The following MYO3B variants were observed in gnomAD, a reference collection of about 807,000 sequenced individuals.
The protein encoded by MYO3B is myosin IIIB, also known as myosin-IIIb.
In MYO3B, 156 loss-of-function variants were observed where a neutral mutation model predicts 174.6. The ratio of observed to expected loss-of-function variants is 0.89; its 90% CI spans 0.78 to 1.02. The LOEUF is 1.02. MYO3B is among the 50% of genes least tolerant of loss of function. MYO3B has a pLI of 0.00. For synonymous variants in MYO3B, 563 were observed against 569.1 expected (o/e 0.99, Z 0.15); for missense variants, 1,632 against 1,639.4 (o/e 1.00, Z 0.08).
chr2:170,627,908 G>A (rs1305956433), intron 32 of MYO3B, among the ~76,000 whole-genome samples: 2 of 152,182 alleles, frequency 1.3e-5, no homozygotes, highest in Non-Finnish European at 2.9e-5. Context: ...CGTTTTTCTG[G>A]AGGTTTCGTC....
At chr2:170,645,358 G>A (rs1698284338) in intron 32 of MYO3B, among the ~76,000 whole-genome samples, 1 of 151,158 alleles carries the variant, frequency 6.6e-6, no homozygotes, top group African/African-American at 2.4e-5. Context: ...TGTAATCCCA[G>A]CTACTCAAGA....
chr2:170,645,398 G>A (rs1048482679), intron 32 of MYO3B, among the ~76,000 whole-genome samples: 1 of 151,196 alleles, frequency 6.6e-6, no homozygotes, highest in African/African-American at 2.4e-5. Context: ...CTTGAACCCC[G>A]GTGGAGGTTG....
Position 170,472,673 on chromosome 2 carries a change from C to CTATCTATCTATT in MYO3B, c.3014+5965_3014+5966insCTATCTATTTAT, listed in dbSNP as rs367755209. On this transcript the variant is annotated intron_variant, in intron 25 of 34. Coordinates refer to ENST00000408978, the MANE Select transcript of MYO3B (RefSeq NM_138995.5). The stretch of plus-strand genomic sequence containing the variant: ...GGATATTTTTCAGCTCACTTTTTAT[C>CTATCTATCTATT]TATTTATTTATTTATTTATTTATTT... 1.8e-3 allele frequency among the ~76,000 whole-genome samples: 259 copies of CTATCTATCTATT among 142,360 alleles called. 3 individuals carry two copies. Among genetic ancestry groups the CTATCTATCTATT allele is most frequent in the Admixed American group, 0.015 (212 of 14,166 alleles). 93.4% of individuals were successfully genotyped at this position (142,360 alleles called of 152,430 possible).
intron 25 of MYO3B, among the ~76,000 whole-genome samples, chr2:170,493,562 AC>A (rs1686632318): frequency 6.6e-6 from 1 of 152,164 alleles, no homozygotes; most frequent in South Asian, 2.1e-4. Flanking sequence ...GGTGGCTTTA[AC>A]ATACGTCTAC....
At chr2:170,249,743 A>C (rs571875828) in intron 7 of MYO3B, among the ~76,000 whole-genome samples, 1 of 152,326 alleles carries the variant, frequency 6.6e-6, no homozygotes, top group South Asian at 2.1e-4. Context: ...AGGAAGCTCC[A>C]CTTGTGGGTT....
At chr2:170,333,968 A>C (rs1278169756) in intron 7 of MYO3B, 1 of 152,212 alleles carries the variant, frequency 6.6e-6, no homozygotes, top group Non-Finnish European at 1.5e-5. Context: ...TTAGTAAGGA[A>C]GATTAGGGGG....
chr2:170,562,602 C>A (rs781755364), intron 32 of MYO3B, among the ~76,000 whole-genome samples: 11 of 152,154 alleles, frequency 7.2e-5, no homozygotes, highest in Non-Finnish European at 1.6e-4. Context: ...TCAAATCATG[C>A]ATGAATTTCC....
chr2:170,237,928 CAT>C (rs948031529), intron 7 of MYO3B, among the ~76,000 whole-genome samples: 2 of 152,164 alleles, frequency 1.3e-5, no homozygotes, highest in Admixed American at 1.3e-4. Context: ...TATGTGTGCT[CAT>C]GTGTGTTCAA....
intron 7 of MYO3B, among the ~76,000 whole-genome samples, chr2:170,329,060 G>C (rs2093890939): frequency 6.6e-6 from 1 of 151,756 alleles, no homozygotes; most frequent in South Asian, 2.1e-4. Flanking sequence ...GCTGAGACAG[G>C]AGAATCACTT....
In MYO3B at chr2:170,651,719, C is replaced by CTA; in HGVS notation, c.3828_3829dup (p.Asn1277IlefsTer4). 6.2e-7 allele frequency: 1 copy of CTA among 1,613,926 alleles called. No homozygotes were observed. The highest frequency in any genetic ancestry group is 8.5e-7 in the Non-Finnish European group (1 of 1,179,834). ...TGAGTAGCCCTGAGGACACCATGTA[C>CTA]TATAACCAGTTAAATGTGAGTTCAA... On this transcript the variant is annotated frameshift_variant, in exon 33 of 35. Coordinates refer to ENST00000408978, the MANE Select transcript of MYO3B (RefSeq NM_138995.5). LOFTEE classifies it high-confidence loss of function.
chr2:170,385,115 G>T (rs949138796), intron 12 of MYO3B, among the ~76,000 whole-genome samples: 1 of 152,058 alleles, frequency 6.6e-6, no homozygotes, highest in South Asian at 2.1e-4. Context: ...AGGGTGTATG[G>T]GGGGAGGAAG....
At chr2:170,478,256 G>A (rs564980671) in intron 25 of MYO3B, among the ~76,000 whole-genome samples, 1 of 152,104 alleles carries the variant, frequency 6.6e-6, no homozygotes, top group African/African-American at 2.4e-5. Flanking sequence ...AGGGAGAAGT[G>A]AGTGTGGAAA....
chr2:170,445,320 C>T (rs1370773006), intron 23 of MYO3B, among the ~76,000 whole-genome samples: 1 of 151,962 alleles, frequency 6.6e-6, no homozygotes, highest in Admixed American at 6.6e-5. Context: ...CACTAGACAG[C>T]ACCACACTTG....
intron 30 of MYO3B, among the ~76,000 whole-genome samples, chr2:170,534,316 C>CA (rs1204522650): frequency 2.0e-5 from 3 of 152,032 alleles, no homozygotes; most frequent in African/African-American, 7.2e-5. Flanking sequence ...ACTGGGAAGC[C>CA]AAAAAATGTG....
intron 7 of MYO3B, among the ~76,000 whole-genome samples, chr2:170,237,270 G>A (rs1186236337): frequency 6.6e-6 from 1 of 152,130 alleles, no homozygotes; most frequent in African/African-American, 2.4e-5. Context: ...CAGAAAATGG[G>A]AAATGGTGTC....
Position 170,221,339 on chromosome 2 carries a change from T to C in MYO3B, c.603+3944T>C, listed in dbSNP as rs566705180. Among the ~76,000 whole-genome samples the C allele has an allele frequency of 6.6e-5, 10 of 152,278 alleles. No homozygotes were observed. The South Asian group carries it at 2.1e-3, about 32-fold the overall frequency. On this transcript the variant is annotated intron_variant, in intron 6 of 34. Transcript: ENST00000408978. ...TTTATTTTTGAGGAATTGAACCAAATTGTTTTTTCCCTTTTTTATTTCCAT... is the reference window on the plus strand; with the variant it reads ...TTTATTTTTGAGGAATTGAACCAAACTGTTTTTTCCCTTTTTTATTTCCAT...
chr2:170,306,622 T>TAGAG (rs1239904754), intron 7 of MYO3B, among the ~76,000 whole-genome samples: 6 of 152,206 alleles, frequency 3.9e-5, no homozygotes, highest in Non-Finnish European at 5.9e-5. Flanking sequence ...CCTTGTCAAG[T>TAGAG]AGAGCTCAGT....
At chr2:170,567,724 G>C (rs1692157842) in intron 32 of MYO3B, among the ~76,000 whole-genome samples, 1 of 152,176 alleles carries the variant, frequency 6.6e-6, no homozygotes, top group South Asian at 2.1e-4. Flanking sequence ...GTGACAAACT[G>C]AGTATCACTG....
At chr2:170,343,020 T>G in intron 8 of MYO3B, among the ~76,000 whole-genome samples, 1 of 142,280 alleles carries the variant, frequency 7.0e-6, no homozygotes, top group African/African-American at 2.6e-5. Context: ...CTTCCACAGT[T>G]CGGGCCTCTA....
Sources: gnomAD v4.1 joint callset for allele counts (sites outside exome capture counted in the v4.1 genomes callset) on GRCh38, gnomAD v4.1.1 for gene constraint, MANE v1.5 for transcripts, NCBI Gene and HGNC (gene_info 2026-07-23, HGNC 2026-07-21) for gene names.